Variants in GALNT13 observed in about 807,000 individuals in gnomAD.
The protein encoded by GALNT13 is polypeptide N-acetylgalactosaminyltransferase 13.
GALNT13 carries 28 observed loss-of-function variants against 64.2 expected under a neutral mutation model. The ratio of observed to expected loss-of-function variants is 0.44; its 90% CI spans 0.32 to 0.60. The LOEUF is 0.60. Among genes scored for constraint, GALNT13 ranks in the 20% least tolerant of loss-of-function variants. GALNT13 has a pLI of 0.05. For missense variants in GALNT13, 577 were observed against 669.8 expected, an observed-to-expected ratio of 0.86 and a Z score of 1.53; for synonymous variants, 214 against 224.6, an observed-to-expected ratio of 0.95 and a Z score of 0.42.
chr2:153,285,318 G>A, the GALNT13 span, among the ~76,000 whole-genome samples: 1 of 152,004 alleles, frequency 6.6e-6, no homozygotes, highest in Non-Finnish European at 1.5e-5. Flanking sequence ...AGTTGGGTAG[G>A]GATACAGAGC....
the GALNT13 span, among the ~76,000 whole-genome samples, chr2:153,255,591 G>T: frequency 3.0e-4 from 46 of 152,182 alleles, no homozygotes; most frequent in East Asian, 3.5e-3. Flanking sequence ...GCATGATTTT[G>T]CAGCGGCTGG....
At chr2:154,194,237 G>A (rs948619769) in intron 4 of GALNT13, among the ~76,000 whole-genome samples, 1 of 152,084 alleles carries the variant, frequency 6.6e-6, no homozygotes, top group Non-Finnish European at 1.5e-5. Context: ...TTGGTGTCCA[G>A]TTTTTATTAA....
intron 2 of GALNT13, among the ~76,000 whole-genome samples, chr2:153,920,591 A>C (rs1391350006): frequency 6.6e-6 from 1 of 152,136 alleles, no homozygotes; most frequent in African/African-American, 2.4e-5. Flanking sequence ...TTTATAACAA[A>C]GATCCCAAAA....
chr2:153,685,382 A>G, the GALNT13 span, among the ~76,000 whole-genome samples: 3 of 152,034 alleles, frequency 2.0e-5, no homozygotes, highest in East Asian at 5.8e-4. Context: ...ATGATATCTC[A>G]TTGTGGTTTT....
the GALNT13 span, among the ~76,000 whole-genome samples, chr2:153,298,851 A>C: frequency 6.6e-6 from 1 of 152,202 alleles, no homozygotes; most frequent in African/African-American, 2.4e-5. Context: ...TCTTCAAATA[A>C]TTCTGTCTCT....
rs1686786541 is a variant in GALNT13 at position 153,881,527 on chromosome 2, G to C, written c.-177+9224G>C. On this transcript the variant is annotated intron_variant, in intron 1 of 12. Transcript: ENST00000392825. ...TACAGCTGAATTAACACATTGAATT[G>C]CTAGTTATGAGACACTTCATTTGCT... 3.3e-5 allele frequency among the ~76,000 whole-genome samples: 5 copies of C among 152,114 alleles called. No homozygotes were observed. The South Asian group carries it at 1.0e-3, about 32-fold the overall frequency.
chr2:154,289,331 T>C (rs1248104753), intron 8 of GALNT13, among the ~76,000 whole-genome samples: 2 of 152,152 alleles, frequency 1.3e-5, no homozygotes, highest in African/African-American at 2.4e-5. Context: ...CAATTTACTA[T>C]ATTAGTCCAT....
chr2:153,635,200 G>T, the GALNT13 span, among the ~76,000 whole-genome samples: 2 of 151,818 alleles, frequency 1.3e-5, no homozygotes, highest in Non-Finnish European at 2.9e-5. Flanking sequence ...CCCAGTTTAG[G>T]CTTCCTGCCC....
the GALNT13 span, among the ~76,000 whole-genome samples, chr2:153,090,917 G>A: frequency 3.1e-3 from 467 of 152,160 alleles, 1 homozygote; most frequent in South Asian, 0.012. Context: ...GTAGCAAGAG[G>A]CCTCACCCAG....
At chr2:154,019,348 T>C (rs190573615) in intron 3 of GALNT13, among the ~76,000 whole-genome samples, 3 of 152,222 alleles carry the variant, frequency 2.0e-5, no homozygotes, top group East Asian at 1.9e-4. Context: ...GAAAAATACA[T>C]ACATGGCCAG....
chr2:153,966,248 A>G (rs1455769921), intron 3 of GALNT13, among the ~76,000 whole-genome samples: 2 of 123,594 alleles, frequency 1.6e-5, no homozygotes, highest in Admixed American at 9.5e-5. Flanking sequence ...TTACTTTAGC[A>G]TGTTGAATAT....
At chr2:153,170,941 G>A in the GALNT13 span, among the ~76,000 whole-genome samples, 1 of 152,086 alleles carries the variant, frequency 6.6e-6, no homozygotes, top group Non-Finnish European at 1.5e-5. Context: ...AAATAATTAT[G>A]AAAGCTAGAC....
intron 2 of GALNT13, among the ~76,000 whole-genome samples, chr2:153,927,346 G>A (rs1690217242): frequency 6.6e-6 from 1 of 151,876 alleles, no homozygotes; most frequent in Admixed American, 6.6e-5. Context: ...AGAATGATAG[G>A]GGAAATGTCG....
chr2:153,328,991 G>A, the GALNT13 span, among the ~76,000 whole-genome samples: 10 of 152,246 alleles, frequency 6.6e-5, no homozygotes, highest in Non-Finnish European at 1.0e-4. Flanking sequence ...TGGGAAAAGC[G>A]TAGTATCTGG....
At chr2:153,346,959 C>T in the GALNT13 span, among the ~76,000 whole-genome samples, 16 of 152,170 alleles carry the variant, frequency 1.1e-4, no homozygotes, top group South Asian at 2.1e-4. Flanking sequence ...TGTGGGACCA[C>T]GTGCAAGATA....
the GALNT13 span, among the ~76,000 whole-genome samples, chr2:153,555,790 T>A: frequency 5.3e-5 from 8 of 152,346 alleles, no homozygotes; most frequent in South Asian, 1.7e-3. Flanking sequence ...AGATCCGATC[T>A]TTTTAAAATT....
chr2:154,174,178 A>G (rs563614916), intron 4 of GALNT13, among the ~76,000 whole-genome samples: 1 of 152,288 alleles, frequency 6.6e-6, no homozygotes, highest in East Asian at 1.9e-4. Flanking sequence ...AAAATTACGC[A>G]GTCTCAACCC....
At chr2:154,217,069 A>T (rs1688088227) in intron 4 of GALNT13, among the ~76,000 whole-genome samples, 1 of 151,766 alleles carries the variant, frequency 6.6e-6, no homozygotes, top group South Asian at 2.1e-4. Flanking sequence ...CTAAGATAAC[A>T]GGCTGAGCCA....
rs188925740 is a variant in GALNT13 at position 154,438,472 on chromosome 2, A to G, written c.1396-120A>G. 35 of 633,968 alleles carry G rather than the reference A, an allele frequency of 5.5e-5. No individual in the cohort carries two copies. The African/African-American group carries it at 5.7e-4, about 10-fold the overall frequency. The allele number at this position is 633,968 out of a possible 1,614,324, so 39.3% of individuals were successfully genotyped here. A position where few individuals can be genotyped will look rare whatever the true frequency, so the allele number is the denominator to read the frequency against. On this transcript the variant is annotated intron_variant, in intron 11 of 12. Transcript: ENST00000392825. The stretch of plus-strand genomic sequence containing the variant: ...GATGAATTAGCTTTCTCAAGATAAC[A>G]TACCAGCAATCGTTTGAAAACACAA...
Sources: allele counts gnomAD v4.1 joint callset (sites outside exome capture counted in the v4.1 genomes callset), GRCh38; gene constraint gnomAD v4.1.1; transcripts MANE v1.5; gene names NCBI Gene and HGNC (gene_info 2026-07-23, HGNC 2026-07-21).